Variants in MED7 observed in about 807,000 individuals in gnomAD.
The protein encoded by MED7 is mediator complex subunit 7.
MED7 carries 7 observed loss-of-function variants against 16.6 expected under a neutral mutation model. The observed-to-expected ratio is 0.42, with a 90% confidence interval of 0.24 to 0.79. MED7 has a LOEUF of 0.79. MED7 is among the 30% of genes least tolerant of loss of function. The pLI is 0.27. For missense variants in MED7, 240 were observed against 286.3 expected, an observed-to-expected ratio of 0.84 and a Z score of 1.17; for synonymous variants, 88 against 90.5, an observed-to-expected ratio of 0.97 and a Z score of 0.16.
chr5:157,140,448 T>G (rs1174229523), intron 1 of MED7, among the ~76,000 whole-genome samples: 1 of 152,156 alleles, frequency 6.6e-6, no homozygotes, highest in African/African-American at 2.4e-5. Context: ...AGAAGATCCT[T>G]AAGTGCTCCT....
chr5:157,141,280 T>C (rs560539432), intron 1 of MED7, among the ~76,000 whole-genome samples: 2 of 152,126 alleles, frequency 1.3e-5, no homozygotes, highest in East Asian at 2.0e-4. Context: ...CGAGATTTCA[T>C]CGTGTTAGCC....
rs1345534685 is a variant in MED7 at position 157,138,659 on chromosome 5, G to A, written c.*71C>T. ...ACATTTTTAGTGAAACTTCTCTTAA[G>A]ACTGTCCAAAAGAAAATGAACTAAT... On this transcript the variant is annotated 3_prime_UTR_variant, in exon 2 of 2. Coordinates refer to ENST00000286317, the MANE Select transcript of MED7 (RefSeq NM_004270.5). 2.3e-6 allele frequency: 3 copies of A among 1,312,266 alleles called. No individual in the cohort carries two copies. The highest frequency in any genetic ancestry group is 3.1e-6 in the Non-Finnish European group (3 of 960,332). 81.3% of individuals were successfully genotyped at this position (1,312,266 alleles called of 1,614,324 possible).
chr5:157,138,513 G>A lies in MED7; in HGVS notation c.*217C>T, dbSNP rs1251608625. ...CCCATACAACAGCAGCTAACACTTT[G>A]CTTTTTAAAGTGATTCTTCTTAGTG... On this transcript the variant is annotated 3_prime_UTR_variant, in exon 2 of 2. Coordinates refer to ENST00000286317, the MANE Select transcript of MED7 (RefSeq NM_004270.5). 2.2e-6 allele frequency: 1 copy of A among 462,498 alleles called. No individual in the cohort carries two copies. Among genetic ancestry groups the A allele is most frequent in the Non-Finnish European group, 3.8e-6 (1 of 264,580 alleles). The allele number at this position is 462,498 out of a possible 1,614,324, so 28.6% of individuals were successfully genotyped here.
intron 1 of MED7, chr5:157,142,270 C>T (rs577450847): frequency 1.3e-5 from 2 of 152,306 alleles, no homozygotes; most frequent in South Asian, 4.1e-4. Context: ...ACAGACATTC[C>T]AGGGTCCCAG....
At chr5:157,140,505 C>T (rs928664608) in intron 1 of MED7, among the ~76,000 whole-genome samples, 7 of 139,828 alleles carry the variant, frequency 5.0e-5, no homozygotes, top group South Asian at 4.3e-4. Flanking sequence ...ACTCTAACAT[C>T]GGGTGGGGCA....
chr5:157,141,254 C>T (rs753817434), intron 1 of MED7, among the ~76,000 whole-genome samples: 11 of 152,058 alleles, frequency 7.2e-5, no homozygotes, highest in Non-Finnish European at 1.3e-4. Context: ...CTAATGTTTT[C>T]TATTTTCAGT....
chr5:157,142,218 G>GTGTT (rs1757736701), intron 1 of MED7, among the ~76,000 whole-genome samples: 1 of 152,218 alleles, frequency 6.6e-6, no homozygotes, highest in African/African-American at 2.4e-5. Context: ...CCAACATCTA[G>GTGTT]TGTTTGTTCT....
intron 1 of MED7, 132 bp from the exon 2 acceptor site, chr5:157,139,580 T>G (rs1757694413): frequency 8.2e-6 from 4 of 487,134 alleles, no homozygotes; most frequent in Non-Finnish European, 1.0e-5. Flanking sequence ...CCTTGGTTTC[T>G]AAAACTAACA....
At chr5:157,139,853 T>G (rs990016866) in intron 1 of MED7, among the ~76,000 whole-genome samples, 5 of 152,102 alleles carry the variant, frequency 3.3e-5, no homozygotes, top group African/African-American at 1.2e-4. Flanking sequence ...TTATTTCCAA[T>G]AGCAAACACT....
chr5:157,138,440 T>G lies in MED7; in HGVS notation c.*290A>C, dbSNP rs549144057. 3.5e-6 allele frequency: 1 copy of G among 288,926 alleles called. No individual in the cohort carries two copies. Among genetic ancestry groups the G allele is most frequent in the African/African-American group, 2.2e-5 (1 of 46,198 alleles). 17.9% of individuals were successfully genotyped at this position (288,926 alleles called of 1,614,324 possible). A position where few individuals can be genotyped will look rare whatever the true frequency, so the allele number is the denominator to read the frequency against. ...TTCAAAGACGAAAACTTTGCTATTA[T>G]TGAGGTTATCATCAAAGTTTTACTG... On this transcript the variant is annotated 3_prime_UTR_variant, in exon 2 of 2. Coordinates refer to ENST00000286317, the MANE Select transcript of MED7 (RefSeq NM_004270.5).
Position 157,138,504 on chromosome 5 carries a change from T to C in MED7, c.*226A>G, listed in dbSNP as rs534556910. 2.2e-6 allele frequency: 1 copy of C among 459,234 alleles called. No homozygotes were observed. The highest frequency in any genetic ancestry group is 2.0e-5 in the African/African-American group (1 of 49,788). 28.4% of individuals were successfully genotyped at this position (459,234 alleles called of 1,614,324 possible). ...TAGGAATGTCCCATACAACAGCAGC[T>C]AACACTTTGCTTTTTAAAGTGATTC... On this transcript the variant is annotated 3_prime_UTR_variant, in exon 2 of 2. Coordinates refer to ENST00000286317, the MANE Select transcript of MED7 (RefSeq NM_004270.5).
At chr5:157,140,545 A>T (rs1313281907) in intron 1 of MED7, among the ~76,000 whole-genome samples, 1 of 152,186 alleles carries the variant, frequency 6.6e-6, no homozygotes, top group Non-Finnish European at 1.5e-5. Context: ...TATTATACTT[A>T]GAATTCGTGA....
At chr5:157,140,286 T>C (rs937446351) in intron 1 of MED7, among the ~76,000 whole-genome samples, 4 of 152,150 alleles carry the variant, frequency 2.6e-5, no homozygotes, top group African/African-American at 9.7e-5. Context: ...AGTGCTGGGA[T>C]TACAGGCGTG....
Position 157,138,860 on chromosome 5 carries a change from G to C in MED7, c.572C>G (p.Ala191Gly). The stretch of plus-strand genomic sequence containing the variant: ...TCCAGTACAATTGTTGCTATCATCA[G>C]CATCCATTGGTTCAGTTTTTACTCT... ...GMRVKTEPMD[A>G]DDSNNCTGQN... Residue 191 changes from alanine to glycine, a missense_variant, in exon 2 of 2, where the codon GCT becomes GGT. Physicochemically the swap from Ala to Gly is moderately conservative, Grantham distance 60. Coordinates refer to ENST00000286317, the MANE Select transcript of MED7 (RefSeq NM_004270.5). The C allele has an allele frequency of 6.2e-7, 1 of 1,614,052 alleles. No homozygotes were observed. Among genetic ancestry groups the C allele is most frequent in the Non-Finnish European group, 8.5e-7 (1 of 1,180,030 alleles).
Position 157,138,644 on chromosome 5 carries a change from T to C in MED7, c.*86A>G, listed in dbSNP as rs1053865228. ...AGATTAAAGCTGTTTACATTTTTAG[T>C]GAAACTTCTCTTAAGACTGTCCAAA... On this transcript the variant is annotated 3_prime_UTR_variant, in exon 2 of 2. Transcript: ENST00000286317. 5.8e-6 allele frequency: 7 copies of C among 1,200,256 alleles called. No individual in the cohort carries two copies. The highest frequency in any genetic ancestry group is 4.9e-5 in the Admixed American group (2 of 40,794). 74.4% of individuals were successfully genotyped at this position (1,200,256 alleles called of 1,614,324 possible). A position where few individuals can be genotyped will look rare whatever the true frequency, so the allele number is the denominator to read the frequency against.
chr5:157,141,369 C>A (rs1432705079), intron 1 of MED7, among the ~76,000 whole-genome samples: 2 of 152,164 alleles, frequency 1.3e-5, no homozygotes, highest in South Asian at 2.1e-4. Context: ...CGTGAGCCAC[C>A]GTGCCCGGCA....
In MED7 at chr5:157,137,921, G is replaced by A. The variant is rs1757659432; in HGVS notation, c.*809C>T. On this transcript the variant is annotated 3_prime_UTR_variant, in exon 2 of 2. Coordinates refer to ENST00000286317, the MANE Select transcript of MED7 (RefSeq NM_004270.5). ...ATGCTGGGAGTAGGGAAATGTCCCT[G>A]GCTGGATTGCCACATCTTGACAACA... is the stretch of plus-strand genomic sequence containing the variant. 6.6e-6 allele frequency: 1 copy of A among 152,216 alleles called. No homozygotes were observed. The highest frequency in any genetic ancestry group is 6.5e-5 in the Admixed American group (1 of 15,272). The allele number at this position is 152,216 out of a possible 1,614,324, so 9.4% of individuals were successfully genotyped here.
chr5:157,142,778 A>T lies in MED7; in HGVS notation c.-18+42T>A, dbSNP rs41283183. On this transcript the variant is annotated intron_variant, in intron 1 of 1. Coordinates refer to ENST00000286317, the MANE Select transcript of MED7 (RefSeq NM_004270.5). ...AAGCTGCGGGGTCCGGAAGAAAAAA[A>T]CGCACACAGGCGGCGGCCCCAAACC... 979 of 152,552 alleles carry T rather than the reference A, an allele frequency of 6.4e-3. 4 individuals are homozygous for T. The highest frequency in any genetic ancestry group is 8.3e-3 in the Non-Finnish European group (568 of 68,210). 9.4% of individuals were successfully genotyped at this position (152,552 alleles called of 1,614,324 possible).
Position 157,139,118 on chromosome 5 carries a change from C to T in MED7, c.314G>A (p.Arg105Gln). 1.9e-6 allele frequency: 3 copies of T among 1,613,944 alleles called. No individual in the cohort carries two copies. Among genetic ancestry groups the T allele is most frequent in the Non-Finnish European group, 2.5e-6 (3 of 1,179,912 alleles). Residue 105 changes from arginine (R) to glutamine (Q), a missense_variant, in exon 2 of 2, where the codon CGA becomes CAA. Transcript: ENST00000286317. Reference sequence around the variant, plus strand: ...CTTAAGATCTTCTAGTTTCTCTTCTCGTTTTATACTCCCAGGGCTCCTTAT... The same window carrying T: ...CTTAAGATCTTCTAGTTTCTCTTCTTGTTTTATACTCCCAGGGCTCCTTAT... ...ILIRSPGSIKREEKLEDLKLL... is the reference protein window; with the variant it reads ...ILIRSPGSIKQEEKLEDLKLL...
Sources: allele counts gnomAD v4.1 joint callset (sites outside exome capture counted in the v4.1 genomes callset), GRCh38; gene constraint gnomAD v4.1.1; transcripts MANE v1.5; gene names NCBI Gene and HGNC (gene_info 2026-07-23, HGNC 2026-07-21).